SRRM4: variants seen among roughly 807,000 people sequenced by gnomAD.
The protein encoded by SRRM4 is serine/arginine repetitive matrix 4, also known as serine/arginine repetitive matrix protein 4.
A neutral mutation model predicts 68.9 loss-of-function variants in SRRM4; 33 were observed. The ratio of observed to expected loss-of-function variants is 0.48; its 90% CI spans 0.36 to 0.64. The LOEUF (loss-of-function observed/expected upper bound fraction) is 0.64. SRRM4 is among the 30% of genes least tolerant of loss of function. SRRM4 has a pLI of 0.00. For synonymous variants in SRRM4, 318 were observed against 318.8 expected, an observed-to-expected ratio of 1.00 and a Z score of 0.03; for missense variants, 817 against 827.1, an observed-to-expected ratio of 0.99 and a Z score of 0.15.
chr12:119,149,281 G>A (rs1954423768), intron 9 of SRRM4, among the ~76,000 whole-genome samples: 1 of 152,186 alleles, frequency 6.6e-6, no homozygotes, highest in South Asian at 2.1e-4. Context: ...CTGGGAGGCG[G>A]AGGTTGCAGT....
At chr12:119,129,940 G>T (rs1414621965) in intron 7 of SRRM4, among the ~76,000 whole-genome samples, 4 of 149,586 alleles carry the variant, frequency 2.7e-5, no homozygotes, top group African/African-American at 9.8e-5. Context: ...TAGTTGGATG[G>T]ATGAACAGAT....
At chr12:119,125,713 A>C (rs975247096) in intron 7 of SRRM4, among the ~76,000 whole-genome samples, 1 of 152,004 alleles carries the variant, frequency 6.6e-6, no homozygotes, top group Non-Finnish European at 1.5e-5. Flanking sequence ...TGAGATCAGG[A>C]GTTCAAGACC....
At chr12:119,153,906 A>G (rs1954455464) in intron 11 of SRRM4, among the ~76,000 whole-genome samples, 1 of 151,728 alleles carries the variant, frequency 6.6e-6, no homozygotes, top group South Asian at 2.1e-4. Flanking sequence ...GCCTCTACAG[A>G]CCGTCCCCAT....
intron 7 of SRRM4, among the ~76,000 whole-genome samples, chr12:119,126,014 C>CTTTTTTTTTTTTTT (rs34680171): frequency 8.4e-5 from 6 of 71,162 alleles, no homozygotes; most frequent in Non-Finnish European, 1.0e-4. Context: ...ATACTAGCTG[C>CTTTTTTTTTTTTTT]TTTTTTTTTT....
rs68020424 is a variant in SRRM4, at chr12:119,114,660, C to CTTTTT, written c.365+314_365+318dup. On this transcript the variant is annotated intron_variant, in intron 3 of 12. Coordinates refer to ENST00000267260, the MANE Select transcript of SRRM4 (RefSeq NM_194286.4). ...ATGACTAATTAATAGGAAGCATAGT[C>CTTTTT]TTTTTTTTTTTTTTTTTTTTTTGAG... 7.8e-4 allele frequency among the ~76,000 whole-genome samples: 79 copies of CTTTTT among 101,350 alleles called. 1 individual carries two copies. Among genetic ancestry groups the CTTTTT allele is most frequent in the East Asian group, 1.6e-3 (5 of 3,114 alleles). 66.5% of individuals were successfully genotyped at this position (101,350 alleles called of 152,430 possible). A position where few individuals can be genotyped will look rare whatever the true frequency, so the allele number is the denominator to read the frequency against.
chr12:119,124,599 C>T (rs1954245510), intron 6 of SRRM4, among the ~76,000 whole-genome samples: 1 of 152,188 alleles, frequency 6.6e-6, no homozygotes, highest in Admixed American at 6.5e-5. Context: ...TGAATTATTA[C>T]TACTTAGAAG....
intron 1 of SRRM4, among the ~76,000 whole-genome samples, chr12:118,984,499 C>A (rs1300441778): frequency 6.6e-6 from 1 of 152,104 alleles, no homozygotes; most frequent in Admixed American, 6.6e-5. Flanking sequence ...GGTGGAGGAA[C>A]CACTAGTCAG....
At chr12:119,072,205 G>A (rs549342859) in intron 1 of SRRM4, among the ~76,000 whole-genome samples, 12 of 152,294 alleles carry the variant, frequency 7.9e-5, no homozygotes, top group Admixed American at 7.8e-4. Context: ...TTGCTGTTCT[G>A]TCTGGCCATC....
At chr12:119,113,803 GA>G (rs1184797661) in intron 2 of SRRM4, among the ~76,000 whole-genome samples, 1 of 152,122 alleles carries the variant, frequency 6.6e-6, no homozygotes, top group African/African-American at 2.4e-5. Flanking sequence ...GGCAATATAA[GA>G]TACGTATCTC....
At chr12:119,012,908 A>G (rs2135998139) in intron 1 of SRRM4, among the ~76,000 whole-genome samples, 1 of 152,156 alleles carries the variant, frequency 6.6e-6, no homozygotes, top group South Asian at 2.1e-4. Context: ...TACCCTCTAA[A>G]CCTTAGGGAA....
chr12:119,009,467 G>T (rs1953435917), intron 1 of SRRM4, among the ~76,000 whole-genome samples: 1 of 152,176 alleles, frequency 6.6e-6, no homozygotes, highest in Admixed American at 6.5e-5. Context: ...TCTGACTGGG[G>T]TTACCCACAT....
Position 119,158,171 on chromosome 12 carries a change from A to G in SRRM4, c.*1373A>G, listed in dbSNP as rs1954486115. 6.5e-6 allele frequency: 1 copy of G among 152,678 alleles called. No homozygotes were observed. The highest frequency in any genetic ancestry group is 2.4e-5 in the African/African-American group (1 of 41,422). The allele number at this position is 152,678 out of a possible 1,614,324, so 9.5% of individuals were successfully genotyped here. ...GGGGAGGTGAGGAATAAGATCCTTA[A>G]AATAAACTCTTGGGCATCCCCCTCA... On this transcript the variant is annotated 3_prime_UTR_variant, in exon 13 of 13. Coordinates refer to ENST00000267260, the MANE Select transcript of SRRM4 (RefSeq NM_194286.4).
At chr12:119,117,864 A>G (rs1954191295) in intron 4 of SRRM4, among the ~76,000 whole-genome samples, 1 of 152,170 alleles carries the variant, frequency 6.6e-6, no homozygotes, top group Non-Finnish European at 1.5e-5. Context: ...GTGAGCCGAG[A>G]TCGCTCCATT....
intron 1 of SRRM4, among the ~76,000 whole-genome samples, chr12:119,031,792 A>C (rs1186124288): frequency 1.3e-5 from 2 of 152,060 alleles, no homozygotes; most frequent in Admixed American, 1.3e-4. Context: ...ATTTTTGCCC[A>C]TTAAAAAAAG....
chr12:119,130,217 T>C (rs1343286666), intron 7 of SRRM4, among the ~76,000 whole-genome samples: 5 of 141,376 alleles, frequency 3.5e-5, no homozygotes, highest in Non-Finnish European at 6.4e-5. Context: ...GACAGATAGA[T>C]GGATGGATGG....
intron 9 of SRRM4, among the ~76,000 whole-genome samples, chr12:119,147,969 ACACT>A (rs1954414702): frequency 6.6e-6 from 1 of 152,222 alleles, no homozygotes; most frequent in African/African-American, 2.4e-5. Flanking sequence ...TCTCTGCCAG[ACACT>A]CAGCCTGGTG....
intron 8 of SRRM4, among the ~76,000 whole-genome samples, chr12:119,135,977 T>C (rs1954325218): frequency 6.6e-6 from 1 of 152,184 alleles, no homozygotes; most frequent in Non-Finnish European, 1.5e-5. Context: ...ATTTCAAAAA[T>C]AAACACTAAG....
rs189973519 is a variant in SRRM4, at chr12:118,983,437, T to C, written c.131+1424T>C. ...GGGGAACAATAATACCAAATGCCAT[T>C]AAAGGCTGATGCTTCTCTGCTCCGA... On this transcript the variant is annotated intron_variant, in intron 1 of 12. Transcript: ENST00000267260. Among the ~76,000 whole-genome samples, 1,188 of 152,296 alleles carry C rather than the reference T, an allele frequency of 7.8e-3. 8 individuals carry two copies. The highest frequency in any genetic ancestry group is 0.014 in the Non-Finnish European group (935 of 68,028).
intron 1 of SRRM4, among the ~76,000 whole-genome samples, chr12:119,064,825 GA>G (rs1005000751): frequency 4.6e-5 from 7 of 152,018 alleles, no homozygotes; most frequent in East Asian, 1.9e-4. Context: ...GGAAAAGGGG[GA>G]AAAAATGGTT....
Sources: allele counts gnomAD v4.1 joint callset (sites outside exome capture counted in the v4.1 genomes callset), GRCh38; gene constraint gnomAD v4.1.1; transcripts MANE v1.5; gene names NCBI Gene and HGNC (gene_info 2026-07-23, HGNC 2026-07-21).